The following SOX5 variants were observed in gnomAD, a reference collection of about 807,000 sequenced individuals.
The protein encoded by SOX5 is SRY-box transcription factor 5, also known as transcription factor SOX-5.
A neutral mutation model predicts 92.0 loss-of-function variants in SOX5; 9 were observed. That is an observed-to-expected ratio of 0.10 (90% CI 0.06 to 0.17). The LOEUF is 0.17. Among genes scored for constraint, SOX5 ranks in the 10% least tolerant of loss-of-function variants. SOX5 has a pLI of 1.00. For missense variants in SOX5, 642 were observed against 944.5 expected (o/e 0.68, Z 4.20); for synonymous variants, 344 against 336.3 (o/e 1.02, Z -0.25).
intron 4 of SOX5, among the ~76,000 whole-genome samples, chr12:24,161,914 C>T (rs1004022998): frequency 6.6e-6 from 1 of 152,026 alleles, no homozygotes; most frequent in African/African-American, 2.4e-5. Context: ...AAAGTCAGAA[C>T]TCTAGAAGCA....
At chr12:24,201,581 A>G (rs551596278) in intron 4 of SOX5, among the ~76,000 whole-genome samples, 1 of 152,290 alleles carries the variant, frequency 6.6e-6, no homozygotes, top group South Asian at 2.1e-4. Flanking sequence ...TTTGAACACA[A>G]AAAAACTTTA....
rs73265692 is a variant in SOX5 at position 23,856,616 on chromosome 12, C to T, written c.271-10423G>A. Reference sequence around the variant, plus strand: ...ACTCCTTGCTGTGGTCATCATTAAGCTTCCTCAACTGATTCAGGTGCTGCA... The same window carrying T: ...ACTCCTTGCTGTGGTCATCATTAAGTTTCCTCAACTGATTCAGGTGCTGCA... On this transcript the variant is annotated intron_variant, in intron 2 of 14. Coordinates refer to ENST00000451604, the MANE Select transcript of SOX5 (RefSeq NM_006940.6). Among the ~76,000 whole-genome samples, 697 of 152,220 alleles carry T rather than the reference C, an allele frequency of 4.6e-3. 5 individuals are homozygous for T. Among genetic ancestry groups the T allele is most frequent in the African/African-American group, 0.016 (659 of 41,548 alleles).
intron 4 of SOX5, among the ~76,000 whole-genome samples, chr12:24,125,563 G>A (rs537675348): frequency 1.5e-4 from 23 of 152,206 alleles, no homozygotes; most frequent in African/African-American, 4.1e-4. Flanking sequence ...TCTTGGACAC[G>A]ATCTCTGAGT....
At chr12:23,960,584 C>A (rs143994355) in intron 4 of SOX5, among the ~76,000 whole-genome samples, 2,577 of 137,026 alleles carry the variant, frequency 0.019, 35 homozygotes, top group Middle Eastern at 0.027. Context: ...TTACTAAGAA[C>A]CTGAAGTCCA....
At chr12:24,307,396 AG>A (rs1948684129) in intron 2 of SOX5, among the ~76,000 whole-genome samples, 3 of 152,088 alleles carry the variant, frequency 2.0e-5, no homozygotes, top group African/African-American at 7.2e-5. Context: ...GCCAAATGGA[AG>A]AACTGGGATC....
At chr12:23,837,011 T>C (rs1036218790) in intron 3 of SOX5, among the ~76,000 whole-genome samples, 1 of 150,980 alleles carries the variant, frequency 6.6e-6, no homozygotes, top group African/African-American at 2.4e-5. Context: ...TGATACTATG[T>C]TGCATCACAG....
intron 9 of SOX5, among the ~76,000 whole-genome samples, chr12:23,603,670 C>T (rs2074863717): frequency 6.6e-6 from 1 of 151,556 alleles, no homozygotes; most frequent in Non-Finnish European, 1.5e-5. Context: ...ATCAATTTTT[C>T]TCTCCTTCTA....
At chr12:23,600,181 T>C (rs1266087872) in intron 9 of SOX5, among the ~76,000 whole-genome samples, 1 of 152,202 alleles carries the variant, frequency 6.6e-6, no homozygotes, top group African/African-American at 2.4e-5. Flanking sequence ...ATTATTTTTA[T>C]AATTTTCATT....
At chr12:23,583,108 A>G (rs1404640892) in intron 9 of SOX5, among the ~76,000 whole-genome samples, 1 of 152,050 alleles carries the variant, frequency 6.6e-6, no homozygotes, top group African/African-American at 2.4e-5. Flanking sequence ...TTTTAATTTC[A>G]AAAATTGCCT....
At chr12:23,857,140 G>A (rs1333730147) in intron 2 of SOX5, among the ~76,000 whole-genome samples, 1 of 152,100 alleles carries the variant, frequency 6.6e-6, no homozygotes, top group Non-Finnish European at 1.5e-5. Context: ...GAAGGAAGTG[G>A]CTTAACCAAA....
rs142190230 is a variant in SOX5, at chr12:24,490,351, G to T, written c.-251+71978C>A. On this transcript the variant is annotated intron_variant, in intron 1 of 4. Transcript: ENST00000446891. ...TTTCCCAAGATTGTTCTCAAGATGG[G>T]CATTGAACAGTCAGGGGTAAAAAAG... Among the ~76,000 whole-genome samples, 897 of 152,292 alleles carry T rather than the reference G, an allele frequency of 5.9e-3. 6 individuals carry two copies. Among genetic ancestry groups the T allele is most frequent in the Middle Eastern group, 0.034 (10 of 294 alleles).
chr12:24,416,454 A>T (rs1306979365), intron 1 of SOX5, among the ~76,000 whole-genome samples: 2 of 152,232 alleles, frequency 1.3e-5, no homozygotes, highest in Admixed American at 6.5e-5. Flanking sequence ...CTGAAATGTC[A>T]TTGTTGAAGC....
chr12:24,491,635 C>G (rs911613927), intron 1 of SOX5, among the ~76,000 whole-genome samples: 4 of 151,782 alleles, frequency 2.6e-5, no homozygotes, highest in African/African-American at 9.7e-5. Flanking sequence ...TAAACAAGAA[C>G]AAGGAGATAA....
At chr12:24,514,548 A>G (rs966929467) in intron 1 of SOX5, among the ~76,000 whole-genome samples, 3 of 152,170 alleles carry the variant, frequency 2.0e-5, no homozygotes, top group African/African-American at 7.2e-5. Flanking sequence ...CAATCCCACT[A>G]CTGGGTATAT....
intron 4 of SOX5, among the ~76,000 whole-genome samples, chr12:24,099,214 G>C (rs1945787414): frequency 6.6e-6 from 1 of 152,108 alleles, no homozygotes; most frequent in South Asian, 2.1e-4. Flanking sequence ...GGCTGCATGT[G>C]ATCAACCTCA....
At chr12:24,108,530 T>C (rs1264704716) in intron 4 of SOX5, among the ~76,000 whole-genome samples, 1 of 152,166 alleles carries the variant, frequency 6.6e-6, no homozygotes, top group Non-Finnish European at 1.5e-5. Flanking sequence ...AATTATTTGT[T>C]CTATAAGTAT....
At chr12:23,562,054 T>G (rs1015120709) in intron 11 of SOX5, among the ~76,000 whole-genome samples, 1 of 152,178 alleles carries the variant, frequency 6.6e-6, no homozygotes, top group Non-Finnish European at 1.5e-5. Context: ...TATAAATTCC[T>G]TTATGCTTGC....
At chr12:24,242,414 T>C (rs1965708994) in intron 3 of SOX5, among the ~76,000 whole-genome samples, 1 of 152,192 alleles carries the variant, frequency 6.6e-6, no homozygotes. Flanking sequence ...AAAGCAAATG[T>C]TTCAATGTAT....
chr12:24,071,186 C>T (rs920503615), intron 4 of SOX5, among the ~76,000 whole-genome samples: 2 of 152,090 alleles, frequency 1.3e-5, no homozygotes, highest in South Asian at 2.1e-4. Context: ...ACCATGTAGA[C>T]CATTAAATAT....
Sources: allele counts gnomAD v4.1 joint callset (sites outside exome capture counted in the v4.1 genomes callset), GRCh38; gene constraint gnomAD v4.1.1; transcripts MANE v1.5; gene names NCBI Gene and HGNC (gene_info 2026-07-23, HGNC 2026-07-21).